TMEM45A: variants seen among roughly 807,000 people sequenced by gnomAD.
TMEM45A encodes transmembrane protein 45A.
A neutral mutation model predicts 32.0 loss-of-function variants in TMEM45A; 25 were observed. That is an observed-to-expected ratio of 0.78 (90% confidence interval 0.57 to 1.09). TMEM45A has a LOEUF of 1.09. Ranked by LOEUF, TMEM45A falls within the 50% of genes least tolerant of loss-of-function variation. The probability of loss-of-function intolerance (pLI) is 0.00; values close to 1 mark genes in which losing one functional copy is unlikely to be tolerated. For missense variants in TMEM45A, 302 were observed against 325.0 expected (o/e 0.93, Z 0.54); for synonymous variants, 122 against 114.8 (o/e 1.06, Z -0.40).
intron 4 of TMEM45A, 146 bp downstream of exon 4, chr3:100,558,735 G>A: frequency 1.1e-6 from 1 of 875,450 alleles, no homozygotes; most frequent in South Asian, 1.7e-5. Context: ...ATGTTTCTTT[G>A]AGTGTCCCAA....
intron 1 of TMEM45A, among the ~76,000 whole-genome samples, chr3:100,538,320 A>G (rs965091374): frequency 3.9e-5 from 6 of 152,192 alleles, no homozygotes; most frequent in African/African-American, 1.4e-4. Flanking sequence ...ATTTGGCTCT[A>G]AACCTTTCCT....
chr3:100,505,388 A>C (rs562831469), intron 1 of TMEM45A, among the ~76,000 whole-genome samples: 8 of 151,300 alleles, frequency 5.3e-5, no homozygotes, highest in African/African-American at 1.9e-4. Context: ...TGCCTATTCC[A>C]ATGATTTTTG....
chr3:100,530,163 T>C (rs542195456), intron 1 of TMEM45A, among the ~76,000 whole-genome samples: 1 of 152,264 alleles, frequency 6.6e-6, no homozygotes, highest in East Asian at 1.9e-4. Context: ...ATTTCTCCTG[T>C]CCCCCAGATA....
intron 1 of TMEM45A, among the ~76,000 whole-genome samples, chr3:100,497,781 C>A (rs1028429556): frequency 6.6e-6 from 1 of 152,074 alleles, no homozygotes; most frequent in Admixed American, 6.6e-5. Flanking sequence ...TATGTATATA[C>A]CATCTTTTGT....
intron 1 of TMEM45A, chr3:100,519,504 C>G: frequency 6.6e-7 from 1 of 1,514,874 alleles, no homozygotes; most frequent in Non-Finnish European, 8.9e-7. Context: ...TCAATTTTGG[C>G]TGCTTCATTC....
At chr3:100,546,388 A>T (rs1380062614) in intron 1 of TMEM45A, among the ~76,000 whole-genome samples, 2 of 152,264 alleles carry the variant, frequency 1.3e-5, no homozygotes, top group African/African-American at 4.8e-5. Flanking sequence ...TTTGCTCACC[A>T]TAGAGTCCCC....
chr3:100,522,147 C>T (rs937280774), intron 1 of TMEM45A, among the ~76,000 whole-genome samples: 12 of 152,114 alleles, frequency 7.9e-5, no homozygotes, highest in Non-Finnish European at 1.8e-4. Context: ...CCCTTCCCCA[C>T]CCCTCCTTGG....
intron 4 of TMEM45A, among the ~76,000 whole-genome samples, chr3:100,564,168 C>A (rs1166763174): frequency 6.6e-6 from 1 of 152,092 alleles, no homozygotes; most frequent in Non-Finnish European, 1.5e-5. Flanking sequence ...TTGTAAAGTA[C>A]CTTGCTAATT....
At chr3:100,507,761 T>C (rs1032590666) in intron 1 of TMEM45A, among the ~76,000 whole-genome samples, 1 of 151,972 alleles carries the variant, frequency 6.6e-6, no homozygotes, top group African/African-American at 2.4e-5. Flanking sequence ...AGAAAGTAGA[T>C]AGAGTAAGTT....
intron 1 of TMEM45A, among the ~76,000 whole-genome samples, chr3:100,501,472 CCTT>C (rs1708007334): frequency 6.6e-6 from 1 of 152,112 alleles, no homozygotes; most frequent in Non-Finnish European, 1.5e-5. Flanking sequence ...GAGCTGGTGT[CCTT>C]CATTGCTGAT....
rs558663929 is a variant in TMEM45A at position 100,535,410 on chromosome 3, C to T, written c.-3-19799C>T. 9.2e-5 allele frequency among the ~76,000 whole-genome samples: 14 copies of T among 152,140 alleles called. 1 individual carries two copies. The highest frequency in any genetic ancestry group is 1.3e-4 in the Non-Finnish European group (9 of 68,000). ...TATAAATTTCCCAACACCAAGAGAC[C>T]GAGAGACCAGAGTTATTCTGTTGGC... On this transcript the variant is annotated intron_variant, in intron 1 of 5. Transcript: ENST00000323523.
intron 1 of TMEM45A, among the ~76,000 whole-genome samples, chr3:100,504,545 A>T (rs911395722): frequency 6.6e-6 from 1 of 152,184 alleles, no homozygotes; most frequent in Admixed American, 6.5e-5. Flanking sequence ...TATTGCATTT[A>T]AAATAAAATC....
At chr3:100,508,213 C>G (rs973107409) in intron 1 of TMEM45A, among the ~76,000 whole-genome samples, 2 of 152,112 alleles carry the variant, frequency 1.3e-5, no homozygotes, top group Non-Finnish European at 2.9e-5. Context: ...TAGGAAACTT[C>G]CTGGAGCCCA....
chr3:100,542,989 C>G (rs1447228582), intron 1 of TMEM45A, among the ~76,000 whole-genome samples: 2 of 152,108 alleles, frequency 1.3e-5, no homozygotes, highest in African/African-American at 4.8e-5. Context: ...CAGCATGATG[C>G]ACTATACCCA....
chr3:100,556,983 G>A lies in TMEM45A; in HGVS notation c.403+11G>A. The A allele has an allele frequency of 1.2e-6, 2 of 1,613,398 alleles. No individual in the cohort carries two copies. The highest frequency in any genetic ancestry group is 1.7e-6 in the Non-Finnish European group (2 of 1,179,416). ...CCTTATTTGTGGAGGGTAAGTGTTA[G>A]TGAGTATTTTCATGTACCTTTCTCT... On this transcript the variant is annotated intron_variant, in intron 3 of 5. Coordinates refer to ENST00000323523, the MANE Select transcript of TMEM45A (RefSeq NM_018004.3).
rs755494397 is a variant in TMEM45A, at chr3:100,556,800, G to GGA, written c.231_232insGA (p.Met78GlufsTer46). On this transcript the variant is annotated frameshift_variant, in exon 3 of 6. Coordinates refer to ENST00000323523, the MANE Select transcript of TMEM45A (RefSeq NM_018004.3). LOFTEE classifies it high-confidence loss of function. The stretch of plus-strand genomic sequence containing the variant: ...AGTTTATTCCTGGAGGGCCCCATCT[G>GGA]ATGTTATATGACTATAAACAAGGTC... The GGA allele has an allele frequency of 1.9e-6, 3 of 1,613,920 alleles. No individual in the cohort carries two copies. Among genetic ancestry groups the GGA allele is most frequent in the Non-Finnish European group, 2.5e-6 (3 of 1,180,000 alleles).
intron 1 of TMEM45A, among the ~76,000 whole-genome samples, chr3:100,523,332 G>A (rs753786550): frequency 9.2e-5 from 14 of 152,166 alleles, no homozygotes; most frequent in Non-Finnish European, 1.9e-4. Flanking sequence ...GTACCAGGTG[G>A]TGGTTCTTAC....
chr3:100,556,932 C>A lies in TMEM45A; in HGVS notation c.363C>A (p.Ser121=). The A allele has an allele frequency of 6.2e-7, 1 of 1,614,152 alleles. No individual in the cohort carries two copies. The change falls in exon 3 of 6, where the codon TCC becomes TCA. Residue 121 remains serine (S), a synonymous_variant. Transcript: ENST00000323523. ...LCFTISSLPV[S]LTKLMLSNAL... is the part of the protein sequence containing the mutation. ...TCACCATCAGTTCACTTCCTGTGTC[C>A]TTAACCAAGTTAATGTTGTCAAATG...
rs1369653798 is a variant in TMEM45A, at chr3:100,521,488, G to T, written c.-4+28560G>T. Reference sequence around the variant, plus strand: ...GGCTGGTCTCGAGTTCCCGACCTCAGGTGATCTGCCCGCCTGGGCCTTCCA... The same window carrying T: ...GGCTGGTCTCGAGTTCCCGACCTCATGTGATCTGCCCGCCTGGGCCTTCCA... On this transcript the variant is annotated intron_variant, in intron 1 of 5. Coordinates refer to ENST00000323523, the MANE Select transcript of TMEM45A (RefSeq NM_018004.3). Among the ~76,000 whole-genome samples the T allele has an allele frequency of 2.0e-5, 3 of 152,156 alleles. No homozygotes were observed. In the East Asian group the frequency reaches 5.8e-4, roughly 29 times the overall value.
Sources: allele counts gnomAD v4.1 joint callset (sites outside exome capture counted in the v4.1 genomes callset), GRCh38; gene constraint gnomAD v4.1.1; transcripts MANE v1.5; gene names NCBI Gene and HGNC (gene_info 2026-07-23, HGNC 2026-07-21).